Variants in TRDN observed in about 807,000 individuals in gnomAD.
TRDN encodes the protein triadin in skeletal muscle.
TRDN carries 161 observed loss-of-function variants against 149.7 expected under a neutral mutation model. The observed-to-expected ratio is 1.08, with a 90% CI of 0.95 to 1.23. The LOEUF (loss-of-function observed/expected upper bound fraction) is 1.23, where lower values mean the gene tolerates loss of function less well. Among genes scored for constraint, TRDN ranks in the 50% most tolerant of loss-of-function variants. The probability of loss-of-function intolerance (pLI) is 0.00; values close to 1 mark genes in which losing one functional copy is unlikely to be tolerated. For synonymous variants in TRDN, 294 were observed against 250.5 expected (o/e 1.17, Z -1.64); for missense variants, 896 against 823.5 (o/e 1.09, Z -1.08).
chr6:123,578,136 A>G (rs931385337), intron 1 of TRDN, among the ~76,000 whole-genome samples: 1 of 152,156 alleles, frequency 6.6e-6, no homozygotes, highest in South Asian at 2.1e-4. Context: ...CTAAAGTTTA[A>G]TTAGATCTTG....
chr6:123,264,811 C>T (rs1354141245), intron 33 of TRDN, among the ~76,000 whole-genome samples: 1 of 152,060 alleles, frequency 6.6e-6, no homozygotes, highest in Non-Finnish European at 1.5e-5. Context: ...AAAAGTATTA[C>T]AACTTGCTGG....
intron 1 of TRDN, among the ~76,000 whole-genome samples, chr6:123,589,903 C>T (rs1303113105): frequency 6.6e-6 from 1 of 151,968 alleles, no homozygotes. Flanking sequence ...TTAAATTTTA[C>T]TTTTTTCAGT....
chr6:123,401,613 T>C (rs1772976304), intron 12 of TRDN, among the ~76,000 whole-genome samples: 1 of 152,102 alleles, frequency 6.6e-6, no homozygotes, highest in South Asian at 2.1e-4. Context: ...CTCTGAGTTT[T>C]AGAGATTGGC....
chr6:123,222,250 T>G (rs1447957086), intron 39 of TRDN, among the ~76,000 whole-genome samples: 1 of 151,436 alleles, frequency 6.6e-6, no homozygotes, highest in Admixed American at 6.6e-5. Context: ...TCATAGAAAG[T>G]TAGGTTTACA....
intron 2 of TRDN, among the ~76,000 whole-genome samples, chr6:123,556,018 T>G (rs1781636642): frequency 6.6e-6 from 1 of 152,108 alleles, no homozygotes; most frequent in Non-Finnish European, 1.5e-5. Flanking sequence ...AAATAAATTT[T>G]TATTTAACAC....
intron 9 of TRDN, chr6:123,470,951 T>C (rs1007502520): frequency 3.9e-5 from 6 of 151,932 alleles, no homozygotes; most frequent in African/African-American, 1.5e-4. Context: ...GTGAACAATA[T>C]AGAAAAAAAT....
At chr6:123,430,643 G>C (rs1038861861) in intron 12 of TRDN, among the ~76,000 whole-genome samples, 2 of 152,068 alleles carry the variant, frequency 1.3e-5, no homozygotes, top group Non-Finnish European at 2.9e-5. Flanking sequence ...AGGTGATCTT[G>C]TTTTTGTCCT....
At chr6:123,428,607 C>T (rs1343962) in intron 12 of TRDN, among the ~76,000 whole-genome samples, 74,021 of 151,990 alleles carry the variant, frequency 0.49, 18,591 homozygotes, top group African/African-American at 0.61. Context: ...TTCAGTGATA[C>T]ACCACTGTTA....
chr6:123,539,486 C>T (rs1234300666), intron 4 of TRDN, among the ~76,000 whole-genome samples: 1 of 152,152 alleles, frequency 6.6e-6, no homozygotes, highest in African/African-American at 2.4e-5. Context: ...GTAAATCTGG[C>T]AGTTTTGTTT....
At chr6:123,282,847 A>T (rs1220955859) in intron 24 of TRDN, among the ~76,000 whole-genome samples, 1 of 151,928 alleles carries the variant, frequency 6.6e-6, no homozygotes, top group African/African-American at 2.4e-5. Context: ...TGTAAGTGTA[A>T]TATTATTTGG....
intron 14 of TRDN, among the ~76,000 whole-genome samples, chr6:123,386,400 G>A (rs1298550634): frequency 6.6e-6 from 1 of 152,272 alleles, no homozygotes; most frequent in East Asian, 1.9e-4. Context: ...AATAGAGAAT[G>A]ACTTGGTACA....
intron 24 of TRDN, among the ~76,000 whole-genome samples, chr6:123,309,444 A>G (rs1381334833): frequency 2.0e-5 from 3 of 151,986 alleles, no homozygotes; most frequent in African/African-American, 7.2e-5. Flanking sequence ...CTAGGTGAGT[A>G]TGATGAGCTT....
intron 20 of TRDN, among the ~76,000 whole-genome samples, chr6:123,361,968 G>A (rs544277768): frequency 6.6e-6 from 1 of 152,232 alleles, no homozygotes; most frequent in South Asian, 2.1e-4. Context: ...AACCACCTAT[G>A]TGATGCTACC....
At chr6:123,504,998 C>A (rs931203390) in intron 7 of TRDN, among the ~76,000 whole-genome samples, 2 of 152,096 alleles carry the variant, frequency 1.3e-5, no homozygotes, top group East Asian at 1.9e-4. Flanking sequence ...GTAATCCCAG[C>A]ACTTTGGGAG....
Position 123,382,143 on chromosome 6 carries a change from G to T in TRDN, c.1140C>A (p.Ser380=). The change falls in exon 15 of 41, where the codon TCC becomes TCA. Residue 380 remains serine, a synonymous_variant. Transcript: ENST00000334268. The part of the protein sequence containing the change: ...AAKKDEKKED[S]KKTKKPAEVE... ...CTTCTGCAGGTTTTTTTGTTTTCTT[G>T]GAATCTGAAAACACAAAGATAAATT... is the stretch of plus-strand genomic sequence containing the variant. The T allele has an allele frequency of 6.7e-7, 1 of 1,494,362 alleles. No homozygotes were observed. Among genetic ancestry groups the T allele is most frequent in the Non-Finnish European group, 8.9e-7 (1 of 1,120,666 alleles). 92.6% of individuals were successfully genotyped at this position (1,494,362 alleles called of 1,614,324 possible). A position where few individuals can be genotyped will look rare whatever the true frequency, so the allele number is the denominator to read the frequency against.
Position 123,309,229 on chromosome 6 carries a change from G to A in TRDN, c.1510+7228C>T, listed in dbSNP as rs553440446. ...AAGCCCCCATTCCTGGATTTAAACA[G>A]CCATCTTCTTATGGCTGTATCCTAC... On this transcript the variant is annotated intron_variant, in intron 24 of 40. Transcript: ENST00000334268. Among the ~76,000 whole-genome samples, 6 of 151,842 alleles carry A rather than the reference G, an allele frequency of 4.0e-5. No individual in the cohort carries two copies. The South Asian group carries it at 1.2e-3, about 32-fold the overall frequency.
At chr6:123,282,417 C>T (rs568341851) in intron 24 of TRDN, among the ~76,000 whole-genome samples, 9 of 151,810 alleles carry the variant, frequency 5.9e-5, no homozygotes, top group Non-Finnish European at 1.3e-4. Context: ...ATTTAATAAT[C>T]TTTCTGATCC....
intron 2 of TRDN, among the ~76,000 whole-genome samples, chr6:123,561,201 G>T (rs1781976134): frequency 6.6e-6 from 1 of 152,092 alleles, no homozygotes; most frequent in African/African-American, 2.4e-5. Flanking sequence ...TCCGATAGTG[G>T]ACTGGTCTTT....
At chr6:123,307,046 A>AT (rs1389016045) in intron 24 of TRDN, among the ~76,000 whole-genome samples, 2 of 151,830 alleles carry the variant, frequency 1.3e-5, no homozygotes, top group Non-Finnish European at 2.9e-5. Flanking sequence ...TAAAGAGAGG[A>AT]TTTTTTCTTT....
Sources: allele counts gnomAD v4.1 joint callset (sites outside exome capture counted in the v4.1 genomes callset), GRCh38; gene constraint gnomAD v4.1.1; transcripts MANE v1.5; gene names NCBI Gene and HGNC (gene_info 2026-07-23, HGNC 2026-07-21).